Variants in MALRD1 observed in about 807,000 individuals in gnomAD.
MALRD1 encodes the protein MAM and LDL-receptor class A domain-containing protein 1.
A neutral mutation model predicts 242.1 loss-of-function variants in MALRD1; 247 were observed. The observed-to-expected ratio is 1.02, with a 90% CI of 0.92 to 1.13. The LOEUF (loss-of-function observed/expected upper bound fraction) is 1.13, where lower values mean the gene tolerates loss of function less well. MALRD1 is among the 50% of genes most tolerant of loss of function. The probability of loss-of-function intolerance (pLI) is 0.00; values close to 1 mark genes in which losing one functional copy is unlikely to be tolerated. For synonymous variants in MALRD1, 995 were observed against 866.6 expected (o/e 1.15, Z -2.60); for missense variants, 2,989 against 2,533.1 (o/e 1.18, Z -3.86).
At chr10:19,452,072 C>G (rs1490945711) in intron 29 of MALRD1, among the ~76,000 whole-genome samples, 1 of 152,114 alleles carries the variant, frequency 6.6e-6, no homozygotes, top group Non-Finnish European at 1.5e-5. Context: ...TGTTGAAATT[C>G]TATTATGGTT....
In MALRD1 at chr10:19,510,394, A is replaced by C. The variant is rs556298669; in HGVS notation, c.5320+11748A>C. The stretch of plus-strand genomic sequence containing the variant: ...CAGGTCTTTCCCTTCCCACAAGGCC[A>C]TATTTCAGACTATCACATGGGGAGA... On this transcript the variant is annotated intron_variant, in intron 31 of 39. Coordinates refer to ENST00000454679, the MANE Select transcript of MALRD1 (RefSeq NM_001142308.3). 1.5e-4 allele frequency among the ~76,000 whole-genome samples: 23 copies of C among 152,306 alleles called. No individual in the cohort carries two copies. The East Asian group carries it at 4.1e-3, about 27-fold the overall frequency.
chr10:19,071,847 T>C (rs1488044441), intron 2 of MALRD1, among the ~76,000 whole-genome samples: 1 of 152,160 alleles, frequency 6.6e-6, no homozygotes, highest in Non-Finnish European at 1.5e-5. Context: ...TGAATATCTG[T>C]TTATTTTTAA....
At chr10:19,214,618 G>A (rs77497022) in intron 18 of MALRD1, among the ~76,000 whole-genome samples, 4,282 of 152,232 alleles carry the variant, frequency 0.028, 171 homozygotes, top group East Asian at 0.18. Context: ...TGAAGTTAAA[G>A]GGTAAACATT....
Position 19,611,794 on chromosome 10 carries a change from A to G in MALRD1, c.6070+3892A>G, listed in dbSNP as rs974873083. Among the ~76,000 whole-genome samples, 4 of 152,012 alleles carry G rather than the reference A, an allele frequency of 2.6e-5. No individual in the cohort carries two copies. In the East Asian group the frequency reaches 5.8e-4, roughly 22 times the overall value. ...TGTGCCGTGTCTTTCTGTATTATGG[A>G]TAAAGAACCTGGGTCTAAAGTAGAA... On this transcript the variant is annotated intron_variant, in intron 35 of 39. Transcript: ENST00000454679.
At chr10:19,701,637 A>G (rs1306833077) in intron 38 of MALRD1, among the ~76,000 whole-genome samples, 1 of 151,902 alleles carries the variant, frequency 6.6e-6, no homozygotes, top group Non-Finnish European at 1.5e-5. Context: ...AGCAGGAGAT[A>G]AACCTTTACC....
intron 29 of MALRD1, among the ~76,000 whole-genome samples, chr10:19,454,426 ATATAT>A (rs1282425441): frequency 2.8e-5 from 4 of 140,706 alleles, no homozygotes; most frequent in Non-Finnish European, 4.6e-5. Context: ...ATATATATAT[ATATAT>A]AATTATATGA....
At chr10:19,153,151 C>G (rs748404608) in intron 11 of MALRD1, among the ~76,000 whole-genome samples, 1 of 152,140 alleles carries the variant, frequency 6.6e-6, no homozygotes, top group African/African-American at 2.4e-5. Context: ...CTAAATTAAA[C>G]CAAACCTACA....
At chr10:19,556,674 T>C (rs572190087) in intron 32 of MALRD1, among the ~76,000 whole-genome samples, 10 of 152,278 alleles carry the variant, frequency 6.6e-5, no homozygotes, top group South Asian at 2.1e-4. Context: ...AAAGACATGT[T>C]AGTTGCTTCC....
At chr10:19,598,705 G>A (rs978016749) in intron 34 of MALRD1, among the ~76,000 whole-genome samples, 1 of 152,020 alleles carries the variant, frequency 6.6e-6, no homozygotes, top group African/African-American at 2.4e-5. Flanking sequence ...ATAACATAAG[G>A]TTACATGGCC....
chr10:19,406,712 A>C (rs928524105), intron 28 of MALRD1, among the ~76,000 whole-genome samples: 1 of 152,136 alleles, frequency 6.6e-6, no homozygotes, highest in Non-Finnish European at 1.5e-5. Flanking sequence ...TTTAAAAATA[A>C]ATAAATAAAT....
At chr10:19,051,248 A>AT (rs938803652) in intron 1 of MALRD1, among the ~76,000 whole-genome samples, 2 of 152,002 alleles carry the variant, frequency 1.3e-5, no homozygotes, top group Non-Finnish European at 2.9e-5. Context: ...TATAGATTAG[A>AT]TTTTTTTAAA....
intron 11 of MALRD1, among the ~76,000 whole-genome samples, chr10:19,154,238 T>C (rs1588622055): frequency 6.6e-6 from 1 of 152,316 alleles, no homozygotes; most frequent in East Asian, 1.9e-4. Context: ...GGTTGTTTGG[T>C]TAAACATGTG....
chr10:19,308,808 C>T (rs1480916734), intron 21 of MALRD1, among the ~76,000 whole-genome samples: 2 of 151,610 alleles, frequency 1.3e-5, no homozygotes, highest in Non-Finnish European at 3.0e-5. Flanking sequence ...AACAAAAGAG[C>T]TTGCCTAATG....
At chr10:19,204,030 G>T (rs1383360679) in intron 15 of MALRD1, 150 bp downstream of exon 15, 20 of 1,081,840 alleles carry the variant, frequency 1.8e-5, no homozygotes, top group African/African-American at 6.3e-5. Context: ...TGTCTGCATG[G>T]ACTGATTCCT....
At chr10:19,519,584 C>T (rs2131312618) in intron 31 of MALRD1, among the ~76,000 whole-genome samples, 1 of 152,100 alleles carries the variant, frequency 6.6e-6, no homozygotes, top group African/African-American at 2.4e-5. Flanking sequence ...GCCTGGGAGA[C>T]ATAGTGAGAC....
chr10:19,196,663 A>G (rs1036140168), intron 14 of MALRD1, among the ~76,000 whole-genome samples: 4 of 151,866 alleles, frequency 2.6e-5, no homozygotes, highest in Non-Finnish European at 5.9e-5. Flanking sequence ...TTGACCTGAC[A>G]TGATCACTTG....
chr10:19,272,846 G>A (rs1344149541), intron 19 of MALRD1, among the ~76,000 whole-genome samples: 1 of 152,120 alleles, frequency 6.6e-6, no homozygotes, highest in Non-Finnish European at 1.5e-5. Context: ...CCACGTCCCT[G>A]CAAAGGACAT....
chr10:19,118,280 G>A (rs1441510884), intron 5 of MALRD1, among the ~76,000 whole-genome samples: 4 of 152,156 alleles, frequency 2.6e-5, no homozygotes, highest in South Asian at 2.1e-4. Context: ...ATGAGTGATC[G>A]ATGGCTCATG....
chr10:19,540,417 T>C (rs565644411), intron 32 of MALRD1, among the ~76,000 whole-genome samples: 125 of 152,218 alleles, frequency 8.2e-4, no homozygotes, highest in African/African-American at 2.8e-3. Flanking sequence ...GATACATCAC[T>C]CAACAATGAT....
Sources: gnomAD v4.1 joint callset for allele counts (sites outside exome capture counted in the v4.1 genomes callset) on GRCh38, gnomAD v4.1.1 for gene constraint, MANE v1.5 for transcripts, NCBI Gene and HGNC (gene_info 2026-07-23, HGNC 2026-07-21) for gene names.